The following PRKCH variants were observed in gnomAD, a reference collection of about 807,000 sequenced individuals.
The protein encoded by PRKCH is protein kinase C eta type.
PRKCH carries 28 observed loss-of-function variants against 82.5 expected under a neutral mutation model. The ratio of observed to expected loss-of-function variants is 0.34; its 90% CI spans 0.25 to 0.47. PRKCH has a LOEUF of 0.47. PRKCH is among the 20% of genes least tolerant of loss of function. The pLI is 1.00. For missense variants in PRKCH, 705 were observed against 881.8 expected (o/e 0.80, Z 2.54); for synonymous variants, 322 against 327.4 (o/e 0.98, Z 0.18).
chr14:61,481,990 CTTTTT>C lies in PRKCH; in HGVS notation c.1279-3493_1279-3489del, dbSNP rs35134897. 5.9e-5 allele frequency among the ~76,000 whole-genome samples: 6 copies of C among 101,072 alleles called. No individual in the cohort carries two copies. In the East Asian group the frequency reaches 1.1e-3, roughly 19 times the overall value. The allele number at this position is 101,072 out of a possible 152,430, so 66.3% of individuals were successfully genotyped here. ...GATGTGTGGGTCTTCTTTCCTTTTC[CTTTTT>C]TTTTTTTTTTTTTTTTTTGAGACAG... On this transcript the variant is annotated intron_variant, in intron 9 of 13. Coordinates refer to ENST00000332981, the MANE Select transcript of PRKCH (RefSeq NM_006255.5).
chr14:61,522,780 T>A (rs945744730), intron 10 of PRKCH, among the ~76,000 whole-genome samples: 3 of 152,360 alleles, frequency 2.0e-5, no homozygotes, highest in South Asian at 4.1e-4. Flanking sequence ...GTGCCCCCTT[T>A]GCTTACTATT....
chr14:61,377,509 G>T (rs1459220020), intron 1 of PRKCH, among the ~76,000 whole-genome samples: 2 of 152,124 alleles, frequency 1.3e-5, no homozygotes, highest in African/African-American at 4.8e-5. Context: ...CTGATTAGTG[G>T]CAACAGAGAT....
chr14:61,459,496 G>A (rs1055488858), intron 9 of PRKCH, among the ~76,000 whole-genome samples: 7 of 152,186 alleles, frequency 4.6e-5, no homozygotes, highest in African/African-American at 1.2e-4. Flanking sequence ...TGAGGCAGCC[G>A]AGGTGGGCCA....
intron 1 of PRKCH, among the ~76,000 whole-genome samples, chr14:61,357,086 C>G (rs17098258): frequency 0.026 from 3,951 of 152,242 alleles, 165 homozygotes; most frequent in African/African-American, 0.091. Context: ...GGCAAGTCAT[C>G]GGAACACTGG....
intron 1 of PRKCH, among the ~76,000 whole-genome samples, chr14:61,204,084 A>G (rs540961869): frequency 6.6e-6 from 1 of 151,404 alleles, no homozygotes; most frequent in East Asian, 1.9e-4. Flanking sequence ...TGTTAAATAC[A>G]TTAGTTAATC....
In PRKCH at chr14:61,257,640, CACACACACACGCAT is replaced by C. The variant is rs1221940498; in HGVS notation, c.-19+69982_-19+69995del. Among the ~76,000 whole-genome samples, 16 of 149,834 alleles carry C rather than the reference CACACACACACGCAT, an allele frequency of 1.1e-4. 1 individual carries two copies. Among genetic ancestry groups the C allele is most frequent in the African/African-American group, 4.0e-4 (16 of 39,588 alleles). On this transcript the variant is annotated intron_variant, in intron 1 of 3. Transcript: ENST00000555185. ...ACACACACACACACACCCCCACACA[CACACACACACGCAT>C]ACACACACATTCATGGAGTCTATTT...
intron 1 of PRKCH, among the ~76,000 whole-genome samples, chr14:61,357,229 C>G (rs1483286084): frequency 6.6e-6 from 1 of 152,206 alleles, no homozygotes; most frequent in Non-Finnish European, 1.5e-5. Context: ...CCGTTTCTCC[C>G]ATGCTATTTA....
intron 1 of PRKCH, among the ~76,000 whole-genome samples, chr14:61,210,790 CTG>C (rs1014835104): frequency 7.9e-5 from 11 of 139,060 alleles, no homozygotes; most frequent in South Asian, 4.7e-4. Flanking sequence ...CTCTCTCTCT[CTG>C]TGTGTGTGTG....
At chr14:61,274,904 C>A (rs2045189146) in intron 1 of PRKCH, among the ~76,000 whole-genome samples, 1 of 152,156 alleles carries the variant, frequency 6.6e-6, no homozygotes, top group African/African-American at 2.4e-5. Context: ...AATATATGAG[C>A]TAATTGGCTC....
intron 1 of PRKCH, 170 bp downstream of exon 1, chr14:61,322,634 G>C (rs2045643291): frequency 1.1e-6 from 1 of 881,384 alleles, no homozygotes; most frequent in East Asian, 2.7e-5. Context: ...ACCGCGGTGG[G>C]TGTGTGCAGG....
intron 2 of PRKCH, among the ~76,000 whole-genome samples, chr14:61,396,493 C>T (rs2046785318): frequency 6.6e-6 from 1 of 152,082 alleles, no homozygotes; most frequent in African/African-American, 2.4e-5. Flanking sequence ...GACACTCTCA[C>T]AGGAGCTCAT....
intron 12 of PRKCH, chr14:61,543,830 G>C (rs1421621127): frequency 6.6e-6 from 1 of 152,282 alleles, no homozygotes; most frequent in Non-Finnish European, 1.5e-5. Context: ...TTTAGGGAAA[G>C]GCCTGTGCCC....
chr14:61,188,591 G>T (rs1344885309), intron 1 of PRKCH, among the ~76,000 whole-genome samples: 6,257 of 69,586 alleles, frequency 0.09, 1,323 homozygotes, highest in Admixed American at 0.2. Flanking sequence ...GTGTGTGTCG[G>T]GGGGGTGGGG....
In PRKCH at chr14:61,322,127, A is replaced by G. The variant is rs371540089; in HGVS notation, c.26A>G (p.Asn9Ser). MSSGTMKFNGYLRVRIGEA... is the reference protein window; with the variant it reads MSSGTMKFSGYLRVRIGEA... Reference sequence around the variant, plus strand: ...ATGTCGTCTGGCACCATGAAGTTCAATGGCTATTTGAGGGTCCGCATCGGT... The same window carrying G: ...ATGTCGTCTGGCACCATGAAGTTCAGTGGCTATTTGAGGGTCCGCATCGGT... Residue 9 changes from asparagine to serine, a missense_variant, in exon 1 of 14, where the codon AAT becomes AGT. Physicochemically the swap from Asn to Ser is conservative, Grantham distance 46 (BLOSUM62 1). Coordinates refer to ENST00000332981, the MANE Select transcript of PRKCH (RefSeq NM_006255.5). 8 of 1,590,978 alleles carry G rather than the reference A, an allele frequency of 5.0e-6. No individual in the cohort carries two copies. In the East Asian group the frequency reaches 1.1e-4, roughly 23 times the overall value.
intron 1 of PRKCH, among the ~76,000 whole-genome samples, chr14:61,271,420 A>C (rs2045153088): frequency 6.6e-6 from 1 of 152,158 alleles, no homozygotes; most frequent in African/African-American, 2.4e-5. Flanking sequence ...CTTCAACTCC[A>C]GTTCTTTTTC....
At chr14:61,449,462 A>G (rs999328240) in intron 5 of PRKCH, among the ~76,000 whole-genome samples, 2 of 151,552 alleles carry the variant, frequency 1.3e-5, no homozygotes, top group African/African-American at 4.9e-5. Context: ...CCTTTTTTTA[A>G]ATTATGGCAT....
chr14:61,210,085 C>CA (rs1158463553), intron 1 of PRKCH, among the ~76,000 whole-genome samples: 1 of 100,678 alleles, frequency 9.9e-6, no homozygotes, highest in East Asian at 2.8e-4. Flanking sequence ...AAAACAAAAA[C>CA]AAAAAACAAA....
chr14:61,268,274 T>TG (rs1046727411), intron 1 of PRKCH, among the ~76,000 whole-genome samples: 47 of 152,256 alleles, frequency 3.1e-4, no homozygotes, highest in African/African-American at 1.1e-3. Flanking sequence ...TGTTAAAATG[T>TG]GGGGGGAAGT....
chr14:61,328,256 CAAAAAA>C (rs71117811), intron 1 of PRKCH, among the ~76,000 whole-genome samples: 342 of 74,398 alleles, frequency 4.6e-3, no homozygotes, highest in East Asian at 0.021. Context: ...GACTCCGTCT[CAAAAAA>C]AAAAAAAAAA....
Sources: allele counts gnomAD v4.1 joint callset (sites outside exome capture counted in the v4.1 genomes callset), GRCh38; gene constraint gnomAD v4.1.1; transcripts MANE v1.5; gene names NCBI Gene and HGNC (gene_info 2026-07-23, HGNC 2026-07-21).